Variants in CFAP57 observed in about 807,000 individuals in gnomAD.
The protein encoded by CFAP57 is cilia and flagella associated protein 57.
In CFAP57, 116 loss-of-function variants were observed where a neutral mutation model predicts 146.8. The ratio of observed to expected loss-of-function variants is 0.79; its 90% confidence interval spans 0.68 to 0.92. The LOEUF (loss-of-function observed/expected upper bound fraction) is 0.92, where lower values mean the gene tolerates loss of function less well. CFAP57 is among the 40% of genes least tolerant of loss of function. The probability of loss-of-function intolerance (pLI) is 0.00; values close to 1 mark genes in which losing one functional copy is unlikely to be tolerated. For synonymous variants in CFAP57, 518 were observed against 552.8 expected, an observed-to-expected ratio of 0.94 and a Z score of 0.88; for missense variants, 1,377 against 1,527.2, an observed-to-expected ratio of 0.90 and a Z score of 1.64.
At chr1:43,226,960 C>A (rs1241296791) in intron 17 of CFAP57, 23 bp from the exon 18 acceptor site, 2 of 1,482,164 alleles carry the variant, frequency 1.3e-6, no homozygotes, top group Middle Eastern at 1.8e-4. Flanking sequence ...ATATCTCTCA[C>A]TTCTCTCTCA....
chr1:43,191,542 G>A (rs1041844048), intron 6 of CFAP57, among the ~76,000 whole-genome samples: 10 of 144,524 alleles, frequency 6.9e-5, no homozygotes, highest in African/African-American at 1.3e-4. Flanking sequence ...AGCCAAGATC[G>A]TGCCACTGCA....
rs1453864378 is a variant in CFAP57, at chr1:43,186,903, G to A, written c.1122+44G>A. ...GGTCCTTCCAGACCAGGACCTATCT[G>A]CCTGCTGGGGGACTAGTCACCATGT... On this transcript the variant is annotated intron_variant, in intron 6 of 22. Coordinates refer to ENST00000372492, the MANE Select transcript of CFAP57 (RefSeq NM_001378189.1). The A allele has an allele frequency of 2.5e-6, 4 of 1,612,060 alleles. No individual in the cohort carries two copies. In the African/African-American group the frequency reaches 5.3e-5, roughly 22 times the overall value.
chr1:43,235,582 CATG>C (rs1645655478), intron 21 of CFAP57, among the ~76,000 whole-genome samples: 1 of 152,184 alleles, frequency 6.6e-6, no homozygotes, highest in African/African-American at 2.4e-5. Flanking sequence ...GGGCTGGTCT[CATG>C]TCATCTTACG....
At chr1:43,212,630 C>T (rs115878105) in intron 11 of CFAP57, among the ~76,000 whole-genome samples, 3,326 of 151,504 alleles carry the variant, frequency 0.022, 136 homozygotes, top group African/African-American at 0.077. Flanking sequence ...TGCTATCAAA[C>T]ATTAGAACTT....
rs1312206741 is a variant in CFAP57, at chr1:43,220,043, G to A, written c.2247+506G>A. On this transcript the variant is annotated intron_variant, in intron 13 of 22. Transcript: ENST00000372492. ...GAATATAAACCACTTTATGGTGAAT[G>A]GTATTAATCGGTATTAGTGGTATTA... 2.0e-5 allele frequency among the ~76,000 whole-genome samples: 3 copies of A among 152,198 alleles called. No homozygotes were observed. In the East Asian group the frequency reaches 5.8e-4, roughly 29 times the overall value.
intron 10 of CFAP57, among the ~76,000 whole-genome samples, chr1:43,209,223 T>G (rs1004875436): frequency 2.0e-5 from 3 of 152,214 alleles, no homozygotes; most frequent in Admixed American, 6.5e-5. Context: ...ATGGTTTTGC[T>G]TATGTAATGA....
chr1:43,222,810 T>C lies in CFAP57; in HGVS notation c.2533-14T>C, dbSNP rs954461001. On this transcript the variant is annotated splice_polypyrimidine_tract_variant and intron_variant, in intron 15 of 22. Transcript: ENST00000372492. ...CCTTCTCCCCTGACCACACGCCCAC[T>C]CTCTCTGAGCCAGGCACAGGAAGAC... is the stretch of plus-strand genomic sequence containing the variant. 6.5e-7 allele frequency: 1 copy of C among 1,526,926 alleles called. No homozygotes were observed. The highest frequency in any genetic ancestry group is 1.4e-5 in the African/African-American group (1 of 72,052). 94.6% of individuals were successfully genotyped at this position (1,526,926 alleles called of 1,614,324 possible).
Position 43,210,024 on chromosome 1 carries a change from T to C in CFAP57, c.1929+108T>C, listed in dbSNP as rs770616800. On this transcript the variant is annotated intron_variant, in intron 11 of 22. Transcript: ENST00000372492. ...TTTTCTCTCTCCTTCTTCTCTCTTA[T>C]TTATTCATCCATCATTCATTGAATC... is the stretch of plus-strand genomic sequence containing the variant. The C allele has an allele frequency of 1.4e-5, 22 of 1,613,870 alleles. No homozygotes were observed. The South Asian group carries it at 2.2e-4, about 16-fold the overall frequency.
At chr1:43,243,493 C>A in intron 22 of CFAP57, 134 bp downstream of exon 22, 1 of 927,086 alleles carries the variant, frequency 1.1e-6, no homozygotes, top group Non-Finnish European at 1.5e-6. Flanking sequence ...CTGTCCGGGG[C>A]ACACACCTGC....
At chr1:43,182,757 A>G (rs1645466970) in intron 3 of CFAP57, among the ~76,000 whole-genome samples, 1 of 152,210 alleles carries the variant, frequency 6.6e-6, no homozygotes, top group South Asian at 2.1e-4. Context: ...AGATTCAGCA[A>G]CCATTTATTG....
At chr1:43,193,151 C>G (rs1042856330) in intron 6 of CFAP57, among the ~76,000 whole-genome samples, 2 of 152,048 alleles carry the variant, frequency 1.3e-5, no homozygotes, top group Non-Finnish European at 2.9e-5. Flanking sequence ...TATTTTGAAG[C>G]CTATTTTGCC....
At chr1:43,227,856 G>A (rs1645313643) in intron 18 of CFAP57, among the ~76,000 whole-genome samples, 1 of 152,086 alleles carries the variant, frequency 6.6e-6, no homozygotes, top group East Asian at 1.9e-4. Flanking sequence ...CTCAGTTAGT[G>A]GTCTATGATC....
At chr1:43,207,308 A>G (rs1404829963) in intron 10 of CFAP57, among the ~76,000 whole-genome samples, 1 of 152,244 alleles carries the variant, frequency 6.6e-6, no homozygotes, top group Non-Finnish European at 1.5e-5. Context: ...TGCACTGAGT[A>G]ACACCAATGA....
intron 2 of CFAP57, among the ~76,000 whole-genome samples, chr1:43,180,486 G>T (rs1311841586): frequency 8.5e-5 from 13 of 152,058 alleles, no homozygotes; most frequent in Admixed American, 5.2e-4. Flanking sequence ...AGTGAGGCAA[G>T]GGAGGATGAG....
intron 11 of CFAP57, among the ~76,000 whole-genome samples, chr1:43,213,393 G>A (rs1268037214): frequency 5.3e-5 from 8 of 151,940 alleles, no homozygotes; most frequent in South Asian, 2.1e-4. Context: ...CATTTTTTAC[G>A]GCCAAATAGT....
chr1:43,183,457 A>G, intron 3 of CFAP57, 134 bp from the exon 4 acceptor site: 1 of 818,210 alleles, frequency 1.2e-6, no homozygotes, highest in Non-Finnish European at 2.0e-6. Flanking sequence ...AATGCAGCAT[A>G]AAGTTACATG....
intron 21 of CFAP57, among the ~76,000 whole-genome samples, chr1:43,236,184 G>T (rs561660219): frequency 9.9e-5 from 15 of 151,928 alleles, no homozygotes; most frequent in Non-Finnish European, 1.8e-4. Context: ...TGTAACCTAT[G>T]TGCTAGGGAG....
At chr1:43,220,664 T>C (rs1645008323) in intron 13 of CFAP57, among the ~76,000 whole-genome samples, 2 of 152,068 alleles carry the variant, frequency 1.3e-5, no homozygotes, top group Admixed American at 1.3e-4. Flanking sequence ...GTGGGGACTG[T>C]AGTGAGTCAT....
chr1:43,243,203 C>T lies in CFAP57; in HGVS notation c.3406-24C>T, dbSNP rs1645991656. ...CTGACCACTCATCCATCCACCCTCC[C>T]TCTCTCTTCCCCCTTTTCTGCAGGA... On this transcript the variant is annotated intron_variant, in intron 21 of 22. Coordinates refer to ENST00000372492, the MANE Select transcript of CFAP57 (RefSeq NM_001378189.1). 2.6e-6 allele frequency: 4 copies of T among 1,548,486 alleles called. No individual in the cohort carries two copies. The South Asian group carries it at 3.6e-5, about 14-fold the overall frequency.
Sources: gnomAD v4.1 joint callset for allele counts (sites outside exome capture counted in the v4.1 genomes callset) on GRCh38, gnomAD v4.1.1 for gene constraint, MANE v1.5 for transcripts, NCBI Gene and HGNC (gene_info 2026-07-23, HGNC 2026-07-21) for gene names.